The following POLD1 variants were observed in gnomAD, a reference collection of about 807,000 sequenced individuals.
POLD1 encodes DNA polymerase delta 1, catalytic subunit.
Under a neutral mutation model 129.7 loss-of-function variants are expected in POLD1, and 79 were observed. The observed-to-expected ratio is 0.61, with a 90% CI of 0.51 to 0.73. The LOEUF (loss-of-function observed/expected upper bound fraction) is 0.73, where lower values mean the gene tolerates loss of function less well. POLD1 is among the 30% of genes least tolerant of loss of function. The pLI, the probability that POLD1 is intolerant of heterozygous loss-of-function variation, is 0.00. For synonymous variants in POLD1, 714 were observed against 683.3 expected, an observed-to-expected ratio of 1.04 and a Z score of -0.70; for missense variants, 1,338 against 1,595.8, an observed-to-expected ratio of 0.84 and a Z score of 2.75.
chr19:50,415,559 G>T lies in POLD1; in HGVS notation c.2686G>T (p.Gly896Cys), dbSNP rs370557271. Reference protein sequence around the residue: ...ELTRAASDYAGKQAHVELAER... With the variant: ...ELTRAASDYACKQAHVELAER... ...GACCCGCGCGGCCTCCGACTATGCC[G>T]GCAAGCAGGCCCACGTGGAGCTGGC... The change falls in exon 21 of 27, where the codon GGC (glycine) becomes TGC (cysteine). Residue 896 changes from glycine (G) to cysteine (C), a missense_variant. Gly to Cys is a radical substitution (Grantham distance 159, BLOSUM62 -3). Around this residue, in one of 3 missense-constraint regions of POLD1, gnomAD observed 720 missense variants for 1,002.6 expected, o/e 0.72. Coordinates refer to ENST00000440232, the MANE Select transcript of POLD1 (RefSeq NM_002691.4). 1.9e-6 allele frequency: 3 copies of T among 1,612,308 alleles called. No homozygotes were observed. The highest frequency in any genetic ancestry group is 1.7e-6 in the Non-Finnish European group (2 of 1,179,334).
At position 50,417,917 on chromosome 19, in the gene POLD1, C is replaced by G; in HGVS notation, c.3294C>G (p.Arg1098=). The change falls in exon 27 of 27, where the codon CGC becomes CGG. Residue 1098 remains arginine (R), a synonymous_variant. Transcript: ENST00000440232. ...AAGACCAGGAGCAGCTCCTGCGGCGCTTCGGACCCCCTGGACCTGAGGCCT... is the reference window on the plus strand; with the variant it reads ...AAGACCAGGAGCAGCTCCTGCGGCGGTTCGGACCCCCTGGACCTGAGGCCT... ...DLEDQEQLLR[R]FGPPGPEAW is the part of the protein sequence containing the mutation. The G allele has an allele frequency of 6.2e-7, 1 of 1,611,078 alleles. No homozygotes were observed. The highest frequency in any genetic ancestry group is 8.5e-7 in the Non-Finnish European group (1 of 1,178,666).
Position 50,402,736 on chromosome 19 carries a change from G to T in POLD1, c.965G>T (p.Arg322Leu), listed in dbSNP as rs980303681. ...AGCTTCGATATCGAGTGCGCCGGCC[G>T]CAAAGGTCTGTCCCCGGGCCCGGGC... ...VLSFDIECAGRKGIFPEPERD... is the reference protein window; with the variant it reads ...VLSFDIECAGLKGIFPEPERD... The change falls in exon 8 of 27, where the codon CGC becomes CTC. Residue 322 changes from arginine to leucine, a missense_variant. By Grantham distance (102) the Arg-to-Leu change is moderately radical (BLOSUM62 -2). This residue lies in a region of POLD1 where 720 missense variants were observed against 1,002.6 expected (regional missense o/e 0.72). Coordinates refer to ENST00000440232, the MANE Select transcript of POLD1 (RefSeq NM_002691.4). 6.3e-7 allele frequency: 1 copy of T among 1,589,668 alleles called. No individual in the cohort carries two copies.
Position 50,407,147 on chromosome 19 carries a change from C to G in POLD1, c.1659C>G (p.Val553=). ...ACCTGCTCAGTCGTGGCCAGCAGGT[C>G]AAGGTCGTATCCCAGCTGTTGCGGC... ...LSYLLSRGQQ[V]KVVSQLLRQA... is the part of the protein sequence containing the mutation. Residue 553 remains valine, a synonymous_variant, in exon 13 of 27, where the codon GTC becomes GTG. Coordinates refer to ENST00000440232, the MANE Select transcript of POLD1 (RefSeq NM_002691.4). The G allele has an allele frequency of 6.2e-7, 1 of 1,611,626 alleles. No homozygotes were observed. Among genetic ancestry groups the G allele is most frequent in the Non-Finnish European group, 8.5e-7 (1 of 1,178,636 alleles).
chr19:50,409,317 G>C lies in POLD1; in HGVS notation c.2006+82G>C. On this transcript the variant is annotated intron_variant, in intron 16 of 26. Coordinates refer to ENST00000440232, the MANE Select transcript of POLD1 (RefSeq NM_002691.4). The surrounding 1 kb of genome is among the most constrained non-coding windows in gnomAD (Gnocchi z 5.8). ...CCCTGTCCCTCACTGGGACACCCCA[G>C]GGCTGCCCAGCCACCCTGCCCTCAG... 8.0e-7 allele frequency: 1 copy of C among 1,243,900 alleles called. No individual in the cohort carries two copies. Among genetic ancestry groups the C allele is most frequent in the African/African-American group, 1.5e-5 (1 of 67,552 alleles). 77.1% of individuals were successfully genotyped at this position (1,243,900 alleles called of 1,614,324 possible).
At chr19:50,415,027 G>A in intron 20 of POLD1, 37 bp downstream of exon 20, 1 of 1,472,350 alleles carries the variant, frequency 6.8e-7, no homozygotes, top group East Asian at 2.6e-5. Flanking sequence ...CAGGGGGCTG[G>A]GCCCCAAACC....
intron 24 of POLD1, 54 bp from the exon 25 acceptor site, chr19:50,416,991 G>A: frequency 1.3e-6 from 2 of 1,517,260 alleles, no homozygotes; most frequent in Non-Finnish European, 1.8e-6. Context: ...CAGGGATGGG[G>A]TGGCCCAGTT....
chr19:50,407,018 G>A lies in POLD1; in HGVS notation c.1530G>A (p.Val510=). 3.7e-6 allele frequency: 6 copies of A among 1,613,104 alleles called. No individual in the cohort carries two copies. The highest frequency in any genetic ancestry group is 5.1e-6 in the Non-Finnish European group (6 of 1,179,806). Reference sequence around the variant, plus strand: ...ACCAGACCCGCCGCCGCCTGGCTGTGTACTGCCTGAAGGATGCCTACCTGC... The same window carrying A: ...ACCAGACCCGCCGCCGCCTGGCTGTATACTGCCTGAAGGATGCCTACCTGC... ...GNDQTRRRLA[V]YCLKDAYLPL... is the part of the protein sequence containing the mutation. The change falls in exon 13 of 27, where the codon GTG becomes GTA. Residue 510 remains valine (V), a synonymous_variant. Coordinates refer to ENST00000440232, the MANE Select transcript of POLD1 (RefSeq NM_002691.4).
chr19:50,407,169 C>T lies in POLD1; in HGVS notation c.1681C>T (p.Arg561Trp), dbSNP rs368738479. 6.2e-7 allele frequency: 1 copy of T among 1,601,662 alleles called. No individual in the cohort carries two copies. The highest frequency in any genetic ancestry group is 1.7e-5 in the Admixed American group (1 of 59,490). The change falls in exon 13 of 27, where the codon CGG (arginine) becomes TGG (tryptophan). Residue 561 changes from arginine to tryptophan, a missense_variant. Arg to Trp is a moderately radical substitution (Grantham distance 101). Around this residue, in one of 3 missense-constraint regions of POLD1, gnomAD observed 720 missense variants for 1,002.6 expected, o/e 0.72. Coordinates refer to ENST00000440232, the MANE Select transcript of POLD1 (RefSeq NM_002691.4). ...GGTCAAGGTCGTATCCCAGCTGTTG[C>T]GGCAGGTCAGTAGCCGAGACTTGTC... ...QQVKVVSQLL[R>W]QAMHEGLLMP...
chr19:50,392,670 T>A (rs1165222197), intron 1 of POLD1, among the ~76,000 whole-genome samples: 1 of 152,108 alleles, frequency 6.6e-6, no homozygotes, highest in Non-Finnish European at 1.5e-5. Context: ...AGAGATGGGG[T>A]TTCACCATGT....
intron 17 of POLD1, among the ~76,000 whole-genome samples, chr19:50,410,065 C>T (rs959173217): frequency 2.0e-5 from 3 of 152,166 alleles, no homozygotes; most frequent in Non-Finnish European, 4.4e-5. Context: ...GCGGGACTCA[C>T]CCCTCTCAAT....
chr19:50,417,255 C>T lies in POLD1; in HGVS notation c.3204C>T (p.Asp1068=), dbSNP rs759019419. The T allele has an allele frequency of 7.8e-5, 125 of 1,596,914 alleles. No homozygotes were observed. In the Admixed American group the frequency reaches 1.6e-3, roughly 20 times the overall value. ...GCTGCCAGGGCAGCCTGCACGAGGA[C>T]GTCATCTGCACCAGGTGTGTGCCAT... is the stretch of plus-strand genomic sequence containing the variant. ...CQRCQGSLHE[D]VICTSRDCPI... The change falls in exon 26 of 27, where the codon GAC becomes GAT. Residue 1068 remains aspartate (D), a synonymous_variant. Coordinates refer to ENST00000440232, the MANE Select transcript of POLD1 (RefSeq NM_002691.4).
chr19:50,391,943 C>T (rs1254395817), intron 1 of POLD1, among the ~76,000 whole-genome samples: 1 of 152,116 alleles, frequency 6.6e-6, no homozygotes, highest in East Asian at 1.9e-4. Context: ...TCTTAATCTC[C>T]TGACCTCAGG....
chr19:50,387,064 C>T (rs980656982), intron 1 of POLD1, among the ~76,000 whole-genome samples: 7 of 150,610 alleles, frequency 4.6e-5, no homozygotes, highest in South Asian at 2.1e-4. Context: ...TGGTGGTGGG[C>T]GCCTGTAATC....
At chr19:50,400,133 A>ATTTT (rs71182715) in intron 3 of POLD1, among the ~76,000 whole-genome samples, 21 of 48,146 alleles carry the variant, frequency 4.4e-4, no homozygotes, top group South Asian at 1.5e-3. Context: ...TTTTTAAAAG[A>ATTTT]TTTTTTTTTT....
At chr19:50,401,372 T>TAC (rs1390368527) in intron 3 of POLD1, among the ~76,000 whole-genome samples, 56 of 53,218 alleles carry the variant, frequency 1.1e-3, no homozygotes, top group Non-Finnish European at 1.6e-3. Context: ...TATGTGTATA[T>TAC]ATATATATAT....
chr19:50,407,266 C>A, intron 13 of POLD1, 61 bp from the exon 14 acceptor site: 1 of 1,549,920 alleles, frequency 6.5e-7, no homozygotes, highest in Non-Finnish European at 8.8e-7. Flanking sequence ...TTTTTCTCCC[C>A]ACTCCCAATC....
Position 50,414,890 on chromosome 19 carries a change from G to C in POLD1, c.2464G>C (p.Asp822His), listed in dbSNP as rs778972543. 1.2e-6 allele frequency: 2 copies of C among 1,608,916 alleles called. No individual in the cohort carries two copies. Among genetic ancestry groups the C allele is most frequent in the Non-Finnish European group, 1.7e-6 (2 of 1,176,620 alleles). ...CTTCTCCTCCCGGCCCGACGCCCAC[G>C]ACCGCATGGACTGCAAGGGCCTGGA... ...LLFSSRPDAH[D>H]RMDCKGLEAV... is the part of the protein sequence containing the mutation. The change falls in exon 20 of 27, where the codon GAC (aspartate) becomes CAC (histidine). Residue 822 changes from aspartate to histidine, a missense_variant. Asp to His is a moderately conservative substitution (Grantham distance 81, BLOSUM62 -1). Transcript: ENST00000440232.
intron 1 of POLD1, among the ~76,000 whole-genome samples, chr19:50,390,703 C>G (rs919396457): frequency 6.6e-6 from 1 of 151,968 alleles, no homozygotes; most frequent in African/African-American, 2.4e-5. Context: ...CTCTGGTTTT[C>G]CTAGGCAGAG....
Position 50,402,398 on chromosome 19 carries a change from G to A in POLD1, c.758+25G>A, listed in dbSNP as rs3212328. ...GGTACGGCCTCTGCCTCACTTCTCC[G>A]GCCTCTATCCCCACCCTCGGGCAGC... On this transcript the variant is annotated intron_variant, in intron 6 of 26. Coordinates refer to ENST00000440232, the MANE Select transcript of POLD1 (RefSeq NM_002691.4). The A allele has an allele frequency of 0.018, 29,444 of 1,613,508 alleles. 3,157 individuals are homozygous for A. In the African/African-American group the frequency reaches 0.28, roughly 15 times the overall value.
Sources: allele counts gnomAD v4.1 joint callset (sites outside exome capture counted in the v4.1 genomes callset), GRCh38; gene constraint gnomAD v4.1.1; regional missense constraint gnomAD v4.1.1; non-coding constraint Gnocchi (gnomAD v3.1); transcripts MANE v1.5; gene names NCBI Gene and HGNC (gene_info 2026-07-23, HGNC 2026-07-21).